Variants in ST14 observed in about 807,000 individuals in gnomAD.
The protein encoded by ST14 is suppressor of tumorigenicity 14 protein.
Under a neutral mutation model 96.5 loss-of-function variants are expected in ST14, and 40 were observed. The observed-to-expected ratio is 0.41, with a 90% CI of 0.32 to 0.54. The LOEUF is 0.54. Among genes scored for constraint, ST14 ranks in the 20% least tolerant of loss-of-function variants. The probability of loss-of-function intolerance (pLI) is 0.17; values close to 1 mark genes in which losing one functional copy is unlikely to be tolerated. For missense variants in ST14, 1,066 were observed against 1,188.9 expected, an observed-to-expected ratio of 0.90 and a Z score of 1.52; for synonymous variants, 506 against 492.1, an observed-to-expected ratio of 1.03 and a Z score of -0.37.
rs1436165326 is a variant in ST14 at position 130,196,476 on chromosome 11, C to CG, written c.1223+31dup. On this transcript the variant is annotated intron_variant, in intron 10 of 18. Transcript: ENST00000278742. The stretch of plus-strand genomic sequence containing the variant: ...GAGTCCCCGGGGGTATGGGGGCTGC[C>CG]GGGCCCATGCTGCAGGGGGAGGGGT... 4 of 1,595,426 alleles carry CG rather than the reference C, an allele frequency of 2.5e-6. No homozygotes were observed. The African/African-American group carries it at 5.4e-5, about 21-fold the overall frequency.
chr11:130,208,298 T>C, intron 16 of ST14, 112 bp from the exon 17 acceptor site: 1 of 1,483,210 alleles, frequency 6.7e-7, no homozygotes, highest in South Asian at 1.2e-5. Context: ...CGTCTTCTCG[T>C]AGCAGCAGCT....
chr11:130,189,620 C>A, intron 4 of ST14, 119 bp from the exon 5 acceptor site: 1 of 1,340,900 alleles, frequency 7.5e-7, no homozygotes, highest in Non-Finnish European at 1.0e-6. Context: ...GGGGAAGGGC[C>A]TCTGCAGATG....
intron 16 of ST14, 125 bp downstream of exon 16, chr11:130,200,262 G>A (rs1953414205): frequency 1.8e-6 from 2 of 1,104,134 alleles, no homozygotes; most frequent in Non-Finnish European, 2.6e-6. Flanking sequence ...GTCCATTCTT[G>A]AGTTGCTCTA....
chr11:130,194,835 T>C, intron 9 of ST14, 98 bp downstream of exon 9: 4 of 1,222,804 alleles, frequency 3.3e-6, no homozygotes, highest in Non-Finnish European at 4.7e-6. Flanking sequence ...TGTGTGCATG[T>C]GTTTGCATAT....
intron 1 of ST14, among the ~76,000 whole-genome samples, chr11:130,169,686 G>T (rs907896944): frequency 1.3e-5 from 2 of 152,272 alleles, no homozygotes; most frequent in East Asian, 3.9e-4. Flanking sequence ...GTTTTATGAG[G>T]TGTGACTATT....
chr11:130,190,647 G>A lies in ST14; in HGVS notation c.828G>A (p.Val276=), dbSNP rs1350321617. 2 of 1,607,020 alleles carry A rather than the reference G, an allele frequency of 1.2e-6. No individual in the cohort carries two copies. Among genetic ancestry groups the A allele is most frequent in the Non-Finnish European group, 1.7e-6 (2 of 1,177,356 alleles). ...ASCDERGSDL[V]TVYNTLSPME... is the part of the protein sequence containing the mutation. Reference sequence around the variant, plus strand: ...GCGACGAGCGCGGCAGCGACCTGGTGACGGTGTACAACACCCTGAGCCCCA... The same window carrying A: ...GCGACGAGCGCGGCAGCGACCTGGTAACGGTGTACAACACCCTGAGCCCCA... The change falls in exon 7 of 19, where the codon GTG becomes GTA. Residue 276 remains valine (V), a synonymous_variant. Transcript: ENST00000278742.
At chr11:130,182,165 C>T (rs1252409910) in intron 1 of ST14, among the ~76,000 whole-genome samples, 24 of 152,316 alleles carry the variant, frequency 1.6e-4, no homozygotes, top group South Asian at 8.3e-4. Context: ...TTATATAACA[C>T]GGGTGATAGC....
In ST14 at chr11:130,197,834, C is replaced by A. The variant is rs1255397775; in HGVS notation, c.1355-7C>A. On this transcript the variant is annotated splice_region_variant and splice_polypyrimidine_tract_variant and intron_variant, in intron 11 of 18. Coordinates refer to ENST00000278742, the MANE Select transcript of ST14 (RefSeq NM_021978.4). The stretch of plus-strand genomic sequence containing the variant: ...GCTGGGGGCCTCAGGCCTGCCTGTG[C>A]CCGCAGCATGCCCGGGGCAGTTCAC... 17 of 1,560,600 alleles carry A rather than the reference C, an allele frequency of 1.1e-5. No homozygotes were observed. Among genetic ancestry groups the A allele is most frequent in the Non-Finnish European group, 1.5e-5 (17 of 1,156,374 alleles).
intron 6 of ST14, 120 bp downstream of exon 6, chr11:130,190,268 T>G: frequency 6.7e-7 from 1 of 1,494,986 alleles, no homozygotes; most frequent in South Asian, 1.1e-5. Context: ...TATGACGATC[T>G]TTCCAGGCCC....
chr11:130,194,300 C>A lies in ST14; in HGVS notation c.1015+12C>A. 6.2e-7 allele frequency: 1 copy of A among 1,614,058 alleles called. No homozygotes were observed. The highest frequency in any genetic ancestry group is 8.5e-7 in the Non-Finnish European group (1 of 1,179,942). On this transcript the variant is annotated intron_variant, in intron 8 of 18. Coordinates refer to ENST00000278742, the MANE Select transcript of ST14 (RefSeq NM_021978.4). ...GCCTAGGATGAGCAGTAAGGAAGGG[C>A]AGGGCAGGGCGGGACTGCCCTCGGG...
intron 8 of ST14, 53 bp downstream of exon 8, chr11:130,194,341 A>G (rs1053656839): frequency 1.4e-5 from 22 of 1,610,230 alleles, no homozygotes; most frequent in Non-Finnish European, 1.7e-5. Context: ...GAGAAGGGGA[A>G]GGCCTTAGTG....
chr11:130,202,922 C>T (rs948663111), intron 16 of ST14, among the ~76,000 whole-genome samples: 2 of 152,192 alleles, frequency 1.3e-5, no homozygotes, highest in African/African-American at 2.4e-5. Flanking sequence ...TGAGCACTAG[C>T]GATTCCCAAC....
chr11:130,199,131 G>A, intron 15 of ST14, 62 bp downstream of exon 15: 1 of 1,552,568 alleles, frequency 6.4e-7, no homozygotes, highest in East Asian at 2.3e-5. Context: ...CCCACCAGAG[G>A]GTGCACCTGG....
At chr11:130,171,475 T>C (rs1953091884) in intron 1 of ST14, among the ~76,000 whole-genome samples, 1 of 152,170 alleles carries the variant, frequency 6.6e-6, no homozygotes, top group South Asian at 2.1e-4. Flanking sequence ...CAGATCCTGG[T>C]TTCAATTCCT....
At chr11:130,185,681 A>AG (rs1294017295) in intron 1 of ST14, among the ~76,000 whole-genome samples, 6 of 152,230 alleles carry the variant, frequency 3.9e-5, no homozygotes, top group Non-Finnish European at 8.8e-5. Context: ...CCCAATTCAA[A>AG]GCACATTCTC....
At chr11:130,173,270 G>A (rs952829126) in intron 1 of ST14, among the ~76,000 whole-genome samples, 2 of 152,268 alleles carry the variant, frequency 1.3e-5, no homozygotes, top group Admixed American at 6.5e-5. Flanking sequence ...CCTCTGGTCT[G>A]GTGGAGCAGC....
chr11:130,168,272 T>A (rs972853984), intron 1 of ST14, among the ~76,000 whole-genome samples: 3 of 152,146 alleles, frequency 2.0e-5, no homozygotes, highest in Admixed American at 6.5e-5. Context: ...AGACCTCTTG[T>A]GGGTTATGCT....
At position 130,197,826 on chromosome 11, in the gene ST14, T is replaced by A. The variant is rs1275408520; in HGVS notation, c.1355-15T>A. 1.3e-5 allele frequency: 20 copies of A among 1,552,142 alleles called. No individual in the cohort carries two copies. The highest frequency in any genetic ancestry group is 1.7e-5 in the Non-Finnish European group (20 of 1,151,608). Reference sequence around the variant, plus strand: ...GGGTGGGTGCTGGGGGCCTCAGGCCTGCCTGTGCCCGCAGCATGCCCGGGG... The same window carrying A: ...GGGTGGGTGCTGGGGGCCTCAGGCCAGCCTGTGCCCGCAGCATGCCCGGGG... On this transcript the variant is annotated splice_polypyrimidine_tract_variant and intron_variant, in intron 11 of 18. Transcript: ENST00000278742.
intron 16 of ST14, among the ~76,000 whole-genome samples, chr11:130,206,964 C>T (rs1953496273): frequency 6.6e-6 from 1 of 152,092 alleles, no homozygotes; most frequent in Non-Finnish European, 1.5e-5. Flanking sequence ...GATGGATTAC[C>T]CCACCCTTTT....
Sources: gnomAD v4.1 joint callset for allele counts (sites outside exome capture counted in the v4.1 genomes callset) on GRCh38, gnomAD v4.1.1 for gene constraint, MANE v1.5 for transcripts, NCBI Gene and HGNC (gene_info 2026-07-23, HGNC 2026-07-21) for gene names.